The following PTPRT variants were observed in gnomAD, a reference collection of about 807,000 sequenced individuals.
PTPRT encodes receptor-type tyrosine-protein phosphatase T.
A neutral mutation model predicts 176.8 loss-of-function variants in PTPRT; 56 were observed. The observed-to-expected ratio is 0.32, with a 90% CI of 0.26 to 0.40. PTPRT has a LOEUF of 0.40. Among genes scored for constraint, PTPRT ranks in the 10% least tolerant of loss-of-function variants. PTPRT has a pLI of 1.00. For missense variants in PTPRT, 1,540 were observed against 1,908.2 expected (o/e 0.81, Z 3.60); for synonymous variants, 783 against 739.0 (o/e 1.06, Z -0.96).
At position 42,079,762 on chromosome 20, in the gene PTPRT, G is replaced by A. The variant is rs1396715746; in HGVS notation, c.*1117C>T. 4 of 229,256 alleles carry A rather than the reference G, an allele frequency of 1.7e-5. No individual in the cohort carries two copies. Among genetic ancestry groups the A allele is most frequent in the Non-Finnish European group, 3.5e-5 (4 of 115,656 alleles). 14.2% of individuals were successfully genotyped at this position (229,256 alleles called of 1,614,324 possible). A position where few individuals can be genotyped will look rare whatever the true frequency, so the allele number is the denominator to read the frequency against. On this transcript the variant is annotated 3_prime_UTR_variant, in exon 31 of 31. Transcript: ENST00000373187. ...GACATCCAAATTATGCACAAAGCTGGTGCTCTATTTGCCCCAGAAACCAAA... is the reference window on the plus strand; with the variant it reads ...GACATCCAAATTATGCACAAAGCTGATGCTCTATTTGCCCCAGAAACCAAA...
chr20:42,883,915 CAT>C (rs1392015620), intron 2 of PTPRT, among the ~76,000 whole-genome samples: 16 of 9,408 alleles, frequency 1.7e-3, no homozygotes, highest in African/African-American at 3.9e-3. Flanking sequence ...CACACACACA[CAT>C]ACCAGTACAC....
At chr20:43,131,057 C>A (rs1453231592) in intron 1 of PTPRT, among the ~76,000 whole-genome samples, 2 of 152,218 alleles carry the variant, frequency 1.3e-5, no homozygotes, top group Admixed American at 6.5e-5. Context: ...GGTAGAAACA[C>A]ATTAACAGTA....
intron 11 of PTPRT, among the ~76,000 whole-genome samples, chr20:42,319,709 G>A (rs1377133888): frequency 6.6e-6 from 1 of 152,148 alleles, no homozygotes; most frequent in Non-Finnish European, 1.5e-5. Flanking sequence ...AAGGGTGGGG[G>A]AAAGAAACAA....
At chr20:43,013,089 C>T (rs2146156520) in intron 1 of PTPRT, among the ~76,000 whole-genome samples, 1 of 152,102 alleles carries the variant, frequency 6.6e-6, no homozygotes, top group Middle Eastern at 3.4e-3. Context: ...CCTAATCACC[C>T]ACTAACAGGT....
chr20:42,510,740 G>GC (rs1377444605), intron 7 of PTPRT, among the ~76,000 whole-genome samples: 1 of 152,158 alleles, frequency 6.6e-6, no homozygotes, highest in Non-Finnish European at 1.5e-5. Context: ...AGGTGGCAAA[G>GC]CCATTTCTCT....
rs919598650 is a variant in PTPRT, at chr20:43,177,107, G to A, written c.88+12539C>T. Among the ~76,000 whole-genome samples the A allele has an allele frequency of 2.6e-5, 4 of 152,216 alleles. No homozygotes were observed. In the East Asian group the frequency reaches 5.8e-4, roughly 22 times the overall value. ...TAACCCATCTGCAATGACGCCATTG[G>A]TGTCAGAAGTGGGACAGACATGAAG... is the stretch of plus-strand genomic sequence containing the variant. On this transcript the variant is annotated intron_variant, in intron 1 of 30. Transcript: ENST00000373187.
At chr20:42,390,723 T>C (rs1002046783) in intron 9 of PTPRT, among the ~76,000 whole-genome samples, 4 of 152,160 alleles carry the variant, frequency 2.6e-5, no homozygotes, top group Non-Finnish European at 5.9e-5. Context: ...CCAGCTGACA[T>C]CTCAACTGCA....
chr20:43,096,703 C>T (rs1307772727), intron 1 of PTPRT, among the ~76,000 whole-genome samples: 1 of 152,222 alleles, frequency 6.6e-6, no homozygotes, highest in Non-Finnish European at 1.5e-5. Flanking sequence ...TCCCTCACCT[C>T]CCCCATCCCC....
In PTPRT at chr20:42,616,861, A is replaced by G. The variant is rs1177836184; in HGVS notation, c.1153+61005T>C. Among the ~76,000 whole-genome samples the G allele has an allele frequency of 1.6e-4, 22 of 136,026 alleles. 2 individuals carry two copies. In the South Asian group the frequency reaches 3.2e-3, roughly 20 times the overall value. 89.2% of individuals were successfully genotyped at this position (136,026 alleles called of 152,430 possible). ...GGGCTGAGACAATGGGGTTTTCTAG[A>G]TATACAATCATGTCATCTGCAAACA... On this transcript the variant is annotated intron_variant, in intron 7 of 30. Transcript: ENST00000373187.
intron 12 of PTPRT, among the ~76,000 whole-genome samples, chr20:42,287,769 T>C (rs1320233809): frequency 1.3e-5 from 2 of 151,948 alleles, no homozygotes; most frequent in African/African-American, 4.8e-5. Context: ...ATGATGAATA[T>C]GCTAATTACC....
intron 6 of PTPRT, among the ~76,000 whole-genome samples, chr20:42,699,469 A>G (rs1415831494): frequency 6.8e-6 from 1 of 146,308 alleles, no homozygotes; most frequent in East Asian, 2.0e-4. Context: ...AAAAATGTAC[A>G]TTAACTTGTA....
At chr20:42,857,353 T>C (rs942585850) in intron 2 of PTPRT, among the ~76,000 whole-genome samples, 4 of 152,236 alleles carry the variant, frequency 2.6e-5, no homozygotes, top group African/African-American at 4.8e-5. Flanking sequence ...GAGTAAGTCC[T>C]AGCTCTGCTC....
chr20:42,849,105 T>C (rs977685618), intron 2 of PTPRT, among the ~76,000 whole-genome samples: 1 of 152,214 alleles, frequency 6.6e-6, no homozygotes, highest in African/African-American at 2.4e-5. Flanking sequence ...GTTTGCTTTG[T>C]TGAAGATCAG....
intron 12 of PTPRT, among the ~76,000 whole-genome samples, chr20:42,315,062 A>C (rs1375100301): frequency 7.9e-5 from 12 of 152,026 alleles, no homozygotes; most frequent in African/African-American, 2.9e-4. Flanking sequence ...TCCTTGACCA[A>C]AGAAATATTT....
At chr20:42,651,000 G>T (rs934127056) in intron 7 of PTPRT, among the ~76,000 whole-genome samples, 1 of 151,712 alleles carries the variant, frequency 6.6e-6, no homozygotes, top group Non-Finnish European at 1.5e-5. Flanking sequence ...TAAACTAAAG[G>T]CTACTTTATT....
At chr20:42,033,634 GA>G in the PTPRT span, among the ~76,000 whole-genome samples, 1 of 152,164 alleles carries the variant, frequency 6.6e-6, no homozygotes, top group Admixed American at 6.5e-5. Context: ...GGCCTGGGCT[GA>G]TAGTCTGGTG....
chr20:42,376,374 A>G (rs1017161402), intron 9 of PTPRT, among the ~76,000 whole-genome samples: 1 of 152,196 alleles, frequency 6.6e-6, no homozygotes, highest in African/African-American at 2.4e-5. Context: ...TCTCCAAAGC[A>G]TGTTCCCTCT....
chr20:42,440,321 C>T (rs1380374856), intron 9 of PTPRT, among the ~76,000 whole-genome samples: 1 of 152,104 alleles, frequency 6.6e-6, no homozygotes, highest in South Asian at 2.1e-4. Flanking sequence ...ATTAGTTAGA[C>T]AAAAATAATC....
chr20:42,491,036 T>C (rs1483535415), intron 7 of PTPRT, among the ~76,000 whole-genome samples: 8 of 152,198 alleles, frequency 5.3e-5, no homozygotes, highest in African/African-American at 4.8e-5. Flanking sequence ...AATAATCATA[T>C]GATTTTTATT....
Sources: allele counts gnomAD v4.1 joint callset (sites outside exome capture counted in the v4.1 genomes callset), GRCh38; gene constraint gnomAD v4.1.1; transcripts MANE v1.5; gene names NCBI Gene and HGNC (gene_info 2026-07-23, HGNC 2026-07-21).